The following DMD variants were observed in gnomAD, a reference collection of about 807,000 sequenced individuals.
DMD encodes dystrophin.
In DMD, 63 loss-of-function variants were observed where a neutral mutation model predicts 330.1. That is an observed-to-expected ratio of 0.19 (90% confidence interval 0.16 to 0.24). The LOEUF (loss-of-function observed/expected upper bound fraction) is 0.24, where lower values mean the gene tolerates loss of function less well. Among genes scored for constraint, DMD ranks in the 10% least tolerant of loss-of-function variants. The probability of loss-of-function intolerance (pLI) is 1.00; values close to 1 mark genes in which losing one functional copy is unlikely to be tolerated. For synonymous variants in DMD, 1,223 were observed against 959.8 expected, an observed-to-expected ratio of 1.27 and a Z score of -5.07; for missense variants, 3,344 against 2,684.1, an observed-to-expected ratio of 1.25 and a Z score of -5.43.
At chrX:31,685,338 G>A (rs909231500) in intron 52 of DMD, among the ~76,000 whole-genome samples, 8 of 111,623 alleles carry the variant, frequency 7.2e-5, no homozygotes, top group Admixed American at 3.8e-4. Context: ...GGGTGGCCAC[G>A]CCTGGTTACA....
At chrX:32,087,447 A>G (rs1393515220) in intron 44 of DMD, among the ~76,000 whole-genome samples, 1 of 111,822 alleles carries the variant, frequency 8.9e-6, no homozygotes, top group African/African-American at 3.3e-5. Flanking sequence ...CCGCACAGGT[A>G]CATCATTTTA....
At chrX:31,339,547 TTC>T (rs745358966) in intron 61 of DMD, among the ~76,000 whole-genome samples, 2 of 111,804 alleles carry the variant, frequency 1.8e-5, no homozygotes, top group Non-Finnish European at 3.8e-5. Context: ...GCAAAATTCT[TTC>T]TGACTTTTAT....
chrX:32,641,407 C>CATATATATATATATATATATATAT (rs1569366795), intron 11 of DMD: 2 of 63,205 alleles, frequency 3.2e-5, no homozygotes, highest in African/African-American at 1.3e-4. Flanking sequence ...GTATTTTATA[C>CATATATATATATATATATATATAT]GTATATATAT....
At position 32,483,704 on chromosome X, in the gene DMD, T is replaced by C. The variant is rs2042141555; in HGVS notation, c.2803+1215A>G. Among the ~76,000 whole-genome samples, 3 of 105,860 alleles carry C rather than the reference T, an allele frequency of 2.8e-5. No individual in the cohort carries two copies. In the South Asian group the frequency reaches 1.3e-3, roughly 45 times the overall value. 91.9% of individuals were successfully genotyped at this position (105,860 alleles called of 115,157 possible). A position where few individuals can be genotyped will look rare whatever the true frequency, so the allele number is the denominator to read the frequency against. ...TTTAAAATATTTTCCCAAATTGATT[T>C]TGCAGAGGCACAGTAACAAGTATAC... On this transcript the variant is annotated intron_variant, in intron 21 of 78. Coordinates refer to ENST00000357033, the MANE Select transcript of DMD (RefSeq NM_004006.3).
At chrX:32,232,088 A>G (rs2097171056) in intron 43 of DMD, among the ~76,000 whole-genome samples, 2 of 111,163 alleles carry the variant, frequency 1.8e-5, no homozygotes, top group Non-Finnish European at 3.8e-5. Context: ...TTTCAACTAG[A>G]AATTATGCCA....
intron 19 of DMD, among the ~76,000 whole-genome samples, chrX:32,498,893 T>G (rs1485076477): frequency 9.0e-6 from 1 of 111,607 alleles, no homozygotes; most frequent in Admixed American, 9.6e-5. Flanking sequence ...AATTTTGTAC[T>G]TTCAACAACC....
At chrX:31,842,003 TC>T (rs151134469) in intron 48 of DMD, among the ~76,000 whole-genome samples, 6,081 of 111,926 alleles carry the variant, frequency 0.054, 177 homozygotes, top group Non-Finnish European at 0.086. Flanking sequence ...AGGTAGCGAT[TC>T]CTCTGATGGA....
chrX:31,727,116 T>C (rs2086120777), intron 52 of DMD, among the ~76,000 whole-genome samples: 1 of 112,105 alleles, frequency 8.9e-6, no homozygotes, highest in Admixed American at 9.5e-5. Context: ...GGGAAAAAAT[T>C]GAAGTGATTT....
chrX:32,667,417 ATTG>A (rs1422444118), intron 9 of DMD, among the ~76,000 whole-genome samples: 1 of 112,246 alleles, frequency 8.9e-6, no homozygotes, highest in African/African-American at 3.2e-5. Flanking sequence ...TTATGAATAA[ATTG>A]TTGAGCTTAG....
intron 9 of DMD, among the ~76,000 whole-genome samples, chrX:32,651,320 T>A (rs2060138407): frequency 9.1e-6 from 1 of 109,687 alleles, no homozygotes; most frequent in Admixed American, 9.8e-5. Flanking sequence ...TTTTTATATT[T>A]TTAATAGAGA....
chrX:32,492,106 G>T (rs1440989433), intron 19 of DMD, among the ~76,000 whole-genome samples: 1 of 112,022 alleles, frequency 8.9e-6, no homozygotes, highest in Non-Finnish European at 1.9e-5. Flanking sequence ...TTGGGAGGCC[G>T]AGGTGGGGGA....
chrX:33,123,373 CAAAT>C, intron 1 of DMD, among the ~76,000 whole-genome samples: 1 of 111,737 alleles, frequency 8.9e-6, no homozygotes, highest in African/African-American at 3.3e-5. Context: ...AAAAGGTAAA[CAAAT>C]TATTGTATCC....
In DMD at chrX:33,010,046, GTGTATA is replaced by G. The variant is rs2093645631; in HGVS notation, c.93+10087_93+10092del. On this transcript the variant is annotated intron_variant, in intron 2 of 78. Transcript: ENST00000357033. ...TGTGTGTACATGTGTATATACACAT[GTGTATA>G]TATACGTGTATATATACACAAATGT... Among the ~76,000 whole-genome samples the G allele has an allele frequency of 7.3e-5, 3 of 41,366 alleles. No individual in the cohort carries two copies. In the Admixed American group the frequency reaches 7.9e-4, roughly 11 times the overall value. 35.9% of individuals were successfully genotyped at this position (41,366 alleles called of 115,157 possible).
At chrX:31,293,175 TGTGTGTGTGTGTGTGTGTAGTCTGGTTTA>T (rs1220845923) in intron 62 of DMD, among the ~76,000 whole-genome samples, 2 of 87,127 alleles carry the variant, frequency 2.3e-5, no homozygotes, top group South Asian at 5.0e-4. Context: ...TGTGTGTGTG[TGTGTGTGTGTGTGTGTGTAGTCTGGTTTA>T]GTGTGTGTGT....
intron 1 of DMD, among the ~76,000 whole-genome samples, chrX:33,218,932 T>C (rs1223263246): frequency 9.0e-6 from 1 of 111,682 alleles, no homozygotes; most frequent in Non-Finnish European, 1.9e-5. Flanking sequence ...TATTTTTAGT[T>C]CTAAAATGTC....
At position 32,099,410 on chromosome X, in the gene DMD, A is replaced by G. The variant is rs996164993; in HGVS notation, c.6438+117506T>C. Among the ~76,000 whole-genome samples the G allele has an allele frequency of 8.1e-5, 9 of 111,079 alleles. No homozygotes were observed. In the East Asian group the frequency reaches 2.3e-3, roughly 28 times the overall value. On this transcript the variant is annotated intron_variant, in intron 44 of 78. Coordinates refer to ENST00000357033, the MANE Select transcript of DMD (RefSeq NM_004006.3). ...TTACTGGGTATATACCCAAAGGACT[A>G]TAAATCATGCTGCTATAAAGACACG...
intron 13 of DMD, among the ~76,000 whole-genome samples, chrX:32,594,449 G>A (rs1165102204): frequency 9.0e-6 from 1 of 111,080 alleles, no homozygotes; most frequent in Admixed American, 9.7e-5. Flanking sequence ...GCCAGACTCT[G>A]CTCTAATAAA....
chrX:32,330,329 T>A (rs758087642), intron 41 of DMD, among the ~76,000 whole-genome samples: 1 of 112,285 alleles, frequency 8.9e-6, no homozygotes, highest in Admixed American at 9.5e-5. Flanking sequence ...TTTGTGAAAA[T>A]CAAAGTGGAA....
intron 1 of DMD, among the ~76,000 whole-genome samples, chrX:33,332,200 A>C (rs2054190024): frequency 9.0e-6 from 1 of 111,517 alleles, no homozygotes; most frequent in Non-Finnish European, 1.9e-5. Context: ...ATCTGCACAG[A>C]GTCTATAAAT....
Sources: allele counts gnomAD v4.1 joint callset (sites outside exome capture counted in the v4.1 genomes callset), GRCh38; gene constraint gnomAD v4.1.1; transcripts MANE v1.5; gene names NCBI Gene and HGNC (gene_info 2026-07-23, HGNC 2026-07-21).